The following APP variants were observed in gnomAD, a reference collection of about 807,000 sequenced individuals.
APP encodes the protein amyloid-beta precursor protein.
Under a neutral mutation model 101.4 loss-of-function variants are expected in APP, and 31 were observed. The observed-to-expected ratio is 0.31, with a 90% CI of 0.23 to 0.41. The LOEUF (loss-of-function observed/expected upper bound fraction) is 0.41. APP is among the 10% of genes least tolerant of loss of function. The probability of loss-of-function intolerance (pLI) is 1.00; values close to 1 mark genes in which losing one functional copy is unlikely to be tolerated. For synonymous variants in APP, 366 were observed against 364.4 expected, an observed-to-expected ratio of 1.00 and a Z score of -0.05; for missense variants, 839 against 1,003.7, an observed-to-expected ratio of 0.84 and a Z score of 2.22.
intron 1 of APP, among the ~76,000 whole-genome samples, chr21:26,146,766 A>C (rs1298398731): frequency 6.6e-6 from 1 of 152,196 alleles, no homozygotes; most frequent in Non-Finnish European, 1.5e-5. Context: ...TTCTCTGAAG[A>C]TGTTCATATT....
At chr21:25,976,164 C>G in intron 9 of APP, 136 bp from the exon 10 acceptor site, 1 of 670,366 alleles carries the variant, frequency 1.5e-6, no homozygotes. Flanking sequence ...ATACCCCTTC[C>G]TATCTGAAGA....
chr21:26,051,701 C>A (rs1333148741), intron 4 of APP, among the ~76,000 whole-genome samples: 3 of 152,188 alleles, frequency 2.0e-5, no homozygotes, highest in Admixed American at 2.0e-4. Context: ...TTATCCCCTG[C>A]AGCCACTAAG....
At chr21:26,136,777 G>T (rs1433478982) in intron 1 of APP, among the ~76,000 whole-genome samples, 2 of 152,150 alleles carry the variant, frequency 1.3e-5, no homozygotes, top group Non-Finnish European at 2.9e-5. Context: ...TTTAAATCTG[G>T]ATTTAAGTCT....
At chr21:25,925,484 T>G (rs534627093) in intron 13 of APP, among the ~76,000 whole-genome samples, 1 of 152,252 alleles carries the variant, frequency 6.6e-6, no homozygotes, top group Admixed American at 6.5e-5. Flanking sequence ...CCCACCCAGA[T>G]CCAGGGAATC....
chr21:25,950,876 G>A (rs1219772402), intron 13 of APP, among the ~76,000 whole-genome samples: 1 of 152,146 alleles, frequency 6.6e-6, no homozygotes, highest in African/African-American at 2.4e-5. Flanking sequence ...ATGGGTGAGG[G>A]AGAGGAAGGC....
intron 14 of APP, among the ~76,000 whole-genome samples, chr21:25,909,945 G>A (rs1036640386): frequency 1.3e-5 from 2 of 151,996 alleles, no homozygotes; most frequent in African/African-American, 4.8e-5. Context: ...TGCTATTACT[G>A]TAAGGTGCCC....
intron 8 of APP, among the ~76,000 whole-genome samples, chr21:25,992,054 G>A (rs761769381): frequency 6.6e-4 from 100 of 152,170 alleles, no homozygotes; most frequent in Non-Finnish European, 5.0e-4. Context: ...ACAGTGCAAC[G>A]TACAGAAACT....
At chr21:26,074,298 G>C (rs1306451748) in intron 3 of APP, among the ~76,000 whole-genome samples, 1 of 152,042 alleles carries the variant, frequency 6.6e-6, no homozygotes, top group Non-Finnish European at 1.5e-5. Context: ...CTACTGAAAC[G>C]CCACATTCAT....
chr21:26,065,458 T>C (rs189064440), intron 3 of APP, among the ~76,000 whole-genome samples: 1 of 152,342 alleles, frequency 6.6e-6, no homozygotes, highest in Admixed American at 6.5e-5. Context: ...ATGTGGCATT[T>C]AAATTTTTTA....
intron 13 of APP, among the ~76,000 whole-genome samples, chr21:25,916,656 A>G (rs2039363468): frequency 2.0e-5 from 3 of 152,162 alleles, no homozygotes; most frequent in African/African-American, 7.2e-5. Flanking sequence ...ATGGCCTGCA[A>G]TGGGGATTTT....
At chr21:26,089,860 T>C (rs1344086138) in intron 3 of APP, 83 bp downstream of exon 3, 8 of 1,596,894 alleles carry the variant, frequency 5.0e-6, no homozygotes, top group Non-Finnish European at 6.8e-6. Context: ...AGTCTGTGTA[T>C]GTGACCTAAC....
intron 6 of APP, among the ~76,000 whole-genome samples, chr21:26,006,374 T>A (rs1251400886): frequency 6.6e-6 from 1 of 152,210 alleles, no homozygotes; most frequent in Admixed American, 6.5e-5. Context: ...CAAGACAAAA[T>A]GCCATTTACT....
chr21:25,967,063 GA>G (rs1207453588), intron 11 of APP, among the ~76,000 whole-genome samples: 2 of 152,192 alleles, frequency 1.3e-5, no homozygotes, highest in Non-Finnish European at 2.9e-5. Flanking sequence ...GCTCTTTAAT[GA>G]AGAGTCTCAC....
Position 26,051,047 on chromosome 21 carries a change from G to A in APP, c.615C>T (p.Asp205=). 1 of 1,614,168 alleles carries A rather than the reference G, an allele frequency of 6.2e-7. No homozygotes were observed. Among genetic ancestry groups the A allele is most frequent in the Non-Finnish European group, 8.5e-7 (1 of 1,180,030 alleles). ...NVDSADAEED[D]SDVWWGGADT... ...CTGCTCCGCCCCACCAGACATCCGA[G>A]TCATCCTCCTCCGCATCAGCAGAAT... The change falls in exon 5 of 18, where the codon GAC becomes GAT. Residue 205 remains aspartate, a synonymous_variant. Transcript: ENST00000346798.
chr21:25,999,829 C>T (rs978492377), intron 7 of APP, among the ~76,000 whole-genome samples, 186 bp downstream of exon 7: 3 of 152,132 alleles, frequency 2.0e-5, no homozygotes, highest in Non-Finnish European at 4.4e-5. Flanking sequence ...CAGGGAAAGA[C>T]GGAGAGGTGT....
intron 1 of APP, among the ~76,000 whole-genome samples, chr21:26,121,410 C>T (rs753516417): frequency 5.3e-4 from 80 of 151,510 alleles, no homozygotes; most frequent in African/African-American, 1.7e-3. Context: ...TTTTTGGAGA[C>T]GGAGTCTCAC....
chr21:25,906,303 T>A (rs1322797221), intron 14 of APP, among the ~76,000 whole-genome samples: 1 of 152,220 alleles, frequency 6.6e-6, no homozygotes, highest in African/African-American at 2.4e-5. Context: ...GGCAGCATGG[T>A]GGAGTCAAAA....
At chr21:26,062,849 A>G (rs2046325910) in intron 3 of APP, among the ~76,000 whole-genome samples, 1 of 151,944 alleles carries the variant, frequency 6.6e-6, no homozygotes, top group Non-Finnish European at 1.5e-5. Flanking sequence ...TGCAGCCTTG[A>G]CTTCCTGGGC....
At chr21:25,953,383 C>G (rs1228525244) in intron 13 of APP, among the ~76,000 whole-genome samples, 1 of 130,074 alleles carries the variant, frequency 7.7e-6, no homozygotes, top group Non-Finnish European at 1.6e-5. Context: ...AAAGAATGAG[C>G]AGAATAACAC....
Sources: gnomAD v4.1 joint callset for allele counts (sites outside exome capture counted in the v4.1 genomes callset) on GRCh38, gnomAD v4.1.1 for gene constraint, MANE v1.5 for transcripts, NCBI Gene and HGNC (gene_info 2026-07-23, HGNC 2026-07-21) for gene names.